The following CACNA2D1 variants were observed in gnomAD, a reference collection of about 807,000 sequenced individuals.
CACNA2D1 encodes the protein voltage-dependent calcium channel subunit alpha-2/delta-1.
Under a neutral mutation model 171.5 loss-of-function variants are expected in CACNA2D1, and 53 were observed. The ratio of observed to expected loss-of-function variants is 0.31; its 90% CI spans 0.25 to 0.39. CACNA2D1 has a LOEUF of 0.39. Ranked by LOEUF, CACNA2D1 falls within the 10% of genes least tolerant of loss-of-function variation. The pLI is 1.00. For synonymous variants in CACNA2D1, 442 were observed against 443.1 expected (o/e 1.00, Z 0.03); for missense variants, 903 against 1,299.8 (o/e 0.69, Z 4.69).
At chr7:82,145,816 C>T (rs1422885212) in intron 4 of CACNA2D1, among the ~76,000 whole-genome samples, 2 of 135,188 alleles carry the variant, frequency 1.5e-5, no homozygotes, top group Non-Finnish European at 3.3e-5. Context: ...TTTATCCATT[C>T]TTTTAACTTT....
intron 1 of CACNA2D1, among the ~76,000 whole-genome samples, chr7:82,435,624 C>T (rs899139170): frequency 6.6e-6 from 1 of 152,160 alleles, no homozygotes; most frequent in African/African-American, 2.4e-5. Flanking sequence ...TTTGAAACCT[C>T]GGGCATCATC....
intron 1 of CACNA2D1, among the ~76,000 whole-genome samples, chr7:82,398,318 A>G (rs1220372754): frequency 1.3e-5 from 2 of 152,242 alleles, no homozygotes; most frequent in African/African-American, 4.8e-5. Flanking sequence ...AGTCTTTGCC[A>G]CAGTGAAGAC....
chr7:82,240,685 AGGCACGGT>A (rs1350503928), intron 3 of CACNA2D1, among the ~76,000 whole-genome samples: 1 of 152,170 alleles, frequency 6.6e-6, no homozygotes, highest in African/African-American at 2.4e-5. Flanking sequence ...ACTTTAGGCC[AGGCACGGT>A]GGCTCATGCC....
intron 3 of CACNA2D1, among the ~76,000 whole-genome samples, chr7:82,241,516 T>C (rs1425454441): frequency 6.6e-6 from 1 of 152,138 alleles, no homozygotes; most frequent in African/African-American, 2.4e-5. Flanking sequence ...GAATACTCAC[T>C]TCAAATCTGT....
At chr7:82,361,194 C>A (rs1405241726) in intron 1 of CACNA2D1, among the ~76,000 whole-genome samples, 3 of 152,160 alleles carry the variant, frequency 2.0e-5, no homozygotes, top group Admixed American at 6.6e-5. Flanking sequence ...ACATTCTAAA[C>A]AGAAGATTGT....
At chr7:82,176,717 G>T (rs1336026191) in intron 3 of CACNA2D1, among the ~76,000 whole-genome samples, 2 of 151,506 alleles carry the variant, frequency 1.3e-5, no homozygotes, top group Admixed American at 1.3e-4. Flanking sequence ...AAGAAGCCTA[G>T]TGTGTTTGCT....
chr7:82,317,348 C>G (rs1320932588), intron 3 of CACNA2D1, among the ~76,000 whole-genome samples: 1 of 152,198 alleles, frequency 6.6e-6, no homozygotes, highest in Non-Finnish European at 1.5e-5. Context: ...ACAGGCAGAT[C>G]ATAGGGATAA....
intron 5 of CACNA2D1, among the ~76,000 whole-genome samples, chr7:82,120,985 T>C (rs1789671827): frequency 6.6e-6 from 1 of 152,154 alleles, no homozygotes. Flanking sequence ...TTAAGCATCC[T>C]GTGCTGCTCT....
chr7:82,175,210 T>A (rs1245569724), intron 3 of CACNA2D1, among the ~76,000 whole-genome samples: 1 of 152,004 alleles, frequency 6.6e-6, no homozygotes, highest in Non-Finnish European at 1.5e-5. Flanking sequence ...ATATAACAGT[T>A]CAGTTACACT....
intron 3 of CACNA2D1, among the ~76,000 whole-genome samples, chr7:82,237,204 T>C (rs903257403): frequency 2.0e-5 from 3 of 151,990 alleles, no homozygotes; most frequent in African/African-American, 7.2e-5. Context: ...AAAAAAATTT[T>C]ACAAGTCTCC....
At chr7:82,140,961 AAAAAAAAAG>A (rs1279815359) in intron 4 of CACNA2D1, among the ~76,000 whole-genome samples, 44 of 137,176 alleles carry the variant, frequency 3.2e-4, no homozygotes, top group African/African-American at 6.4e-4. Flanking sequence ...CTCTAAAAAA[AAAAAAAAAG>A]AAAAAAAAAT....
At position 82,443,667 on chromosome 7, in the gene CACNA2D1, C is replaced by A. The variant is rs986610870; in HGVS notation, c.-208G>T. 2.9e-4 allele frequency: 369 copies of A among 1,259,654 alleles called. No individual in the cohort carries two copies. The African/African-American group carries it at 5.1e-3, about 17-fold the overall frequency. The allele number at this position is 1,259,654 out of a possible 1,614,324, so 78.0% of individuals were successfully genotyped here. On this transcript the variant is annotated 5_prime_UTR_variant, in exon 1 of 39. Coordinates refer to ENST00000356860, the MANE Select transcript of CACNA2D1 (RefSeq NM_000722.4). The stretch of plus-strand genomic sequence containing the variant: ...AGGAAGGGGCGGTGGCGGGCGGACC[C>A]ACTAGCGTGCGTCGGCTGCTCCGCG...
intron 3 of CACNA2D1, among the ~76,000 whole-genome samples, chr7:82,206,481 T>G (rs1327826785): frequency 1.3e-5 from 2 of 152,132 alleles, no homozygotes; most frequent in Non-Finnish European, 2.9e-5. Flanking sequence ...ATACTACCAC[T>G]GCTAAAACAT....
intron 1 of CACNA2D1, among the ~76,000 whole-genome samples, chr7:82,440,695 A>G (rs1050188161): frequency 6.6e-6 from 1 of 151,948 alleles, no homozygotes; most frequent in African/African-American, 2.4e-5. Flanking sequence ...ATCCAAAAGA[A>G]AATTTATATT....
chr7:82,037,818 A>C, intron 11 of CACNA2D1, among the ~76,000 whole-genome samples: 1 of 152,328 alleles, frequency 6.6e-6, no homozygotes, highest in Middle Eastern at 3.4e-3. Flanking sequence ...ATTCAAAATT[A>C]AATTATTTCC....
intron 10 of CACNA2D1, among the ~76,000 whole-genome samples, chr7:82,038,544 T>A (rs547691662): frequency 1.1e-3 from 163 of 152,242 alleles, no homozygotes; most frequent in Non-Finnish European, 1.7e-3. Flanking sequence ...GTAGAAAAAA[T>A]AATCCAAAGC....
intron 1 of CACNA2D1, among the ~76,000 whole-genome samples, chr7:82,367,464 A>G (rs1821870828): frequency 6.6e-6 from 1 of 152,144 alleles, no homozygotes; most frequent in Non-Finnish European, 1.5e-5. Context: ...ACCATACTAC[A>G]TAAATTCATC....
rs536520920 is a variant in CACNA2D1 at position 82,140,219 on chromosome 7, T to C, written c.355-3543A>G. ...AAATGAGAAAGCACTTACTCAAATA[T>C]GCATGCTTAGACAGGCTGTCACATT... On this transcript the variant is annotated intron_variant, in intron 4 of 38. Coordinates refer to ENST00000356860, the MANE Select transcript of CACNA2D1 (RefSeq NM_000722.4). Among the ~76,000 whole-genome samples, 35 of 152,298 alleles carry C rather than the reference T, an allele frequency of 2.3e-4. No individual in the cohort carries two copies. In the South Asian group the frequency reaches 6.0e-3, roughly 26 times the overall value.
intron 1 of CACNA2D1, among the ~76,000 whole-genome samples, chr7:82,393,832 C>T (rs1239987648): frequency 6.6e-6 from 1 of 152,102 alleles, no homozygotes; most frequent in Non-Finnish European, 1.5e-5. Flanking sequence ...ATTTGAGTTA[C>T]TGATATATAT....
Sources: allele counts gnomAD v4.1 joint callset (sites outside exome capture counted in the v4.1 genomes callset), GRCh38; gene constraint gnomAD v4.1.1; transcripts MANE v1.5; gene names NCBI Gene and HGNC (gene_info 2026-07-23, HGNC 2026-07-21).